Variants in RABL6 observed in about 807,000 individuals in gnomAD.
The protein encoded by RABL6 is rab-like protein 6.
RABL6 carries 28 observed loss-of-function variants against 72.9 expected under a neutral mutation model. That is an observed-to-expected ratio of 0.38 (90% confidence interval 0.28 to 0.53). The LOEUF (loss-of-function observed/expected upper bound fraction) is 0.53. Ranked by LOEUF, RABL6 falls within the 20% of genes least tolerant of loss-of-function variation. RABL6 has a pLI of 0.80. For synonymous variants in RABL6, 477 were observed against 421.2 expected, an observed-to-expected ratio of 1.13 and a Z score of -1.62; for missense variants, 1,029 against 1,008.4, an observed-to-expected ratio of 1.02 and a Z score of -0.28.
At chr9:136,820,229 C>T (rs1275043741) in intron 1 of RABL6, among the ~76,000 whole-genome samples, 1 of 145,374 alleles carries the variant, frequency 6.9e-6, no homozygotes, top group African/African-American at 2.5e-5. Context: ...AAAAAATTAG[C>T]TGGCAGATGT....
chr9:136,821,271 G>A lies in RABL6; in HGVS notation c.131-2254G>A, dbSNP rs574062336. ...GGACGTCAGCGCGTTGGTTCTGGCC[G>A]CGGGAAAACGGGCGGTCGCTGTGAC... On this transcript the variant is annotated intron_variant, in intron 1 of 14. Coordinates refer to ENST00000311502, the MANE Select transcript of RABL6 (RefSeq NM_024718.5). 2.4e-5 allele frequency: 23 copies of A among 959,404 alleles called. No homozygotes were observed. The East Asian group carries it at 2.3e-3, about 96-fold the overall frequency. The allele number at this position is 959,404 out of a possible 1,614,324, so 59.4% of individuals were successfully genotyped here.
intron 1 of RABL6, among the ~76,000 whole-genome samples, chr9:136,815,859 T>C (rs548936799): frequency 1.9e-4 from 29 of 152,326 alleles, no homozygotes; most frequent in East Asian, 1.3e-3. Context: ...GCTCTGTGTT[T>C]TCTGCATTGT....
chr9:136,831,779 G>C lies in RABL6; in HGVS notation c.517G>C (p.Val173Leu), dbSNP rs374394708. 3.7e-6 allele frequency: 6 copies of C among 1,613,502 alleles called. No homozygotes were observed. Among genetic ancestry groups the C allele is most frequent in the Non-Finnish European group, 3.4e-6 (4 of 1,179,828 alleles). Reference protein sequence around the residue: ...PKVPTHVPVCVLGNYRDMGEH... With the variant: ...PKVPTHVPVCLLGNYRDMGEH... ...AGTGCCCACCCACGTGCCAGTGTGC[G>C]TGCTGGGAAACTACCGGGACATGGG... The change falls in exon 6 of 15, where the codon GTG becomes CTG. Residue 173 changes from valine to leucine, a missense_variant. Physicochemically the swap from Val to Leu is conservative, Grantham distance 32. Coordinates refer to ENST00000311502, the MANE Select transcript of RABL6 (RefSeq NM_024718.5).
At chr9:136,813,505 G>T in intron 1 of RABL6, 1 of 444,524 alleles carries the variant, frequency 2.2e-6, no homozygotes, top group East Asian at 4.4e-5. Context: ...TCTGTTCCCT[G>T]CGTTTCTTCA....
chr9:136,835,805 C>A lies in RABL6; in HGVS notation c.769C>A (p.Leu257Met), dbSNP rs772684991. 2 of 1,555,268 alleles carry A rather than the reference C, an allele frequency of 1.3e-6. No individual in the cohort carries two copies. The highest frequency in any genetic ancestry group is 1.7e-6 in the Non-Finnish European group (2 of 1,150,628). Residue 257 changes from leucine (L) to methionine (M), a missense_variant, in exon 8 of 15, where the codon CTG becomes ATG. Physicochemically the swap from Leu to Met is conservative, Grantham distance 15. Transcript: ENST00000311502. ...QLDMDATLEE[L>M]SVQQETEDQN... ...GGACATGGACGCCACGCTGGAGGAG[C>A]TGTCGGTGCAGCAGGAGACGGAGGA...
intron 5 of RABL6, among the ~76,000 whole-genome samples, chr9:136,829,906 G>T (rs1460857206): frequency 6.6e-6 from 1 of 152,238 alleles, no homozygotes; most frequent in Non-Finnish European, 1.5e-5. Context: ...AAGGGCAGTG[G>T]CACACAGGAC....
chr9:136,821,406 G>T lies in RABL6; in HGVS notation c.131-2119G>T, dbSNP rs563252039. ...AGCACAGCGCGTGGGCCGCCTGAGC[G>T]GTGCCGGGGCGGGGAGGCAGGGCCG... On this transcript the variant is annotated intron_variant, in intron 1 of 14. Coordinates refer to ENST00000311502, the MANE Select transcript of RABL6 (RefSeq NM_024718.5). 8.8e-4 allele frequency: 865 copies of T among 985,458 alleles called. 2 individuals carry two copies. Among genetic ancestry groups the T allele is most frequent in the South Asian group, 1.7e-3 (37 of 21,288 alleles). 61.0% of individuals were successfully genotyped at this position (985,458 alleles called of 1,614,324 possible). A position where few individuals can be genotyped will look rare whatever the true frequency, so the allele number is the denominator to read the frequency against.
At chr9:136,819,408 A>C (rs1029845148) in intron 1 of RABL6, among the ~76,000 whole-genome samples, 6 of 152,122 alleles carry the variant, frequency 3.9e-5, no homozygotes, top group African/African-American at 1.4e-4. Flanking sequence ...AGGGAACCAG[A>C]GCTGTAACTA....
intron 13 of RABL6, 126 bp downstream of exon 13, chr9:136,839,991 AGCCCCCT>A: frequency 6.8e-7 from 1 of 1,468,206 alleles, no homozygotes; most frequent in Non-Finnish European, 9.3e-7. Flanking sequence ...TGCTCCTGGC[AGCCCCCT>A]GCAGGAGCTG....
At chr9:136,815,911 C>T (rs932853996) in intron 1 of RABL6, among the ~76,000 whole-genome samples, 5 of 152,226 alleles carry the variant, frequency 3.3e-5, no homozygotes, top group Admixed American at 3.3e-4. Flanking sequence ...TGTTCACATC[C>T]CGTTTAGTAA....
chr9:136,810,384 T>C (rs565536308), intron 1 of RABL6, among the ~76,000 whole-genome samples: 1 of 152,334 alleles, frequency 6.6e-6, no homozygotes, highest in South Asian at 2.1e-4. Flanking sequence ...TATGATCTCC[T>C]AGAACTGAAT....
chr9:136,834,929 T>TTA (rs766764797), intron 7 of RABL6, among the ~76,000 whole-genome samples: 5 of 74,406 alleles, frequency 6.7e-5, no homozygotes, highest in Admixed American at 1.5e-4. Context: ...GACCCTGTTC[T>TTA]AAAAAAAAAA....
intron 8 of RABL6, chr9:136,836,730 C>G (rs956522751): frequency 6.1e-6 from 1 of 163,780 alleles, no homozygotes; most frequent in East Asian, 1.8e-4. Flanking sequence ...CAGAAACCCC[C>G]GCTCACGGGA....
In RABL6 at chr9:136,837,651, C is replaced by T. The variant is rs1457438852; in HGVS notation, c.1115C>T (p.Pro372Leu). ...FGTSPATEAA[P>L]PPPEPVPAAE... The stretch of plus-strand genomic sequence containing the variant: ...ACGTCACCTGCCACCGAGGCAGCCC[C>T]TCCACCTCCAGGTAGGCCCTGGAGC... Residue 372 changes from proline (P) to leucine (L), a missense_variant, in exon 9 of 15, where the codon CCT becomes CTT. Around this residue, in one of 2 missense-constraint regions of RABL6, gnomAD observed 434 missense variants for 536.1 expected, o/e 0.81. Transcript: ENST00000311502. 1.3e-6 allele frequency: 2 copies of T among 1,589,446 alleles called. No homozygotes were observed. Among genetic ancestry groups the T allele is most frequent in the African/African-American group, 1.3e-5 (1 of 74,468 alleles).
Position 136,840,413 on chromosome 9 carries a change from GGCCC to G in RABL6, c.2082_2085del (p.Pro695ArgfsTer74). The G allele has an allele frequency of 1.9e-6, 3 of 1,550,314 alleles. No homozygotes were observed. The highest frequency in any genetic ancestry group is 2.6e-6 in the Non-Finnish European group (3 of 1,147,056). ...GAGGAGCGGCGACGGCGGCAGCAGC[GGCCC>G]CCGCGCAGCAGGGAGAGGACGGCTG... On this transcript the variant is annotated frameshift_variant, in exon 15 of 15. Transcript: ENST00000311502. LOFTEE classifies it low-confidence loss of function (END_TRUNC).
intron 1 of RABL6, chr9:136,821,703 G>T: frequency 9.8e-7 from 1 of 1,016,924 alleles, no homozygotes; most frequent in Non-Finnish European, 1.2e-6. Flanking sequence ...TGCGCTGAGC[G>T]CCTGCGGCTC....
chr9:136,813,545 A>G, intron 1 of RABL6: 1 of 414,210 alleles, frequency 2.4e-6, no homozygotes, highest in South Asian at 2.6e-5. Flanking sequence ...CTTCTGTCTT[A>G]ACCTCAATAT....
rs1848356726 is a variant in RABL6 at position 136,826,348 on chromosome 9, CT to C, written c.313+523del. 1.3e-5 allele frequency among the ~76,000 whole-genome samples: 2 copies of C among 152,172 alleles called. No homozygotes were observed. The highest frequency in any genetic ancestry group is 2.9e-5 in the Non-Finnish European group (2 of 68,018). ...ACAAGGTCATGAGTTCCTCTAAGTC[CT>C]CAGGGTGGAGCTCATGGCCCTCCCC... On this transcript the variant is annotated intron_variant, in intron 3 of 14. Coordinates refer to ENST00000311502, the MANE Select transcript of RABL6 (RefSeq NM_024718.5). This position sits in a 1 kb window ranked among gnomAD's most constrained non-coding sequence, Gnocchi z 4.9.
intron 13 of RABL6, 65 bp from the exon 14 acceptor site, chr9:136,840,089 C>G: frequency 6.2e-7 from 1 of 1,605,240 alleles, no homozygotes; most frequent in Non-Finnish European, 8.5e-7. Context: ...CTAGAGAAGT[C>G]CTGTCACCCA....
Sources: gnomAD v4.1 joint callset for allele counts (sites outside exome capture counted in the v4.1 genomes callset) on GRCh38, gnomAD v4.1.1 for gene constraint, gnomAD v4.1.1 regional missense constraint, Gnocchi (gnomAD v3.1) non-coding constraint, MANE v1.5 for transcripts, NCBI Gene and HGNC (gene_info 2026-07-23, HGNC 2026-07-21) for gene names.